SVEP1: variants seen among roughly 807,000 people sequenced by gnomAD.
SVEP1 encodes the protein sushi, von Willebrand factor type A, EGF and pentraxin domain-containing protein 1.
In SVEP1, 164 loss-of-function variants were observed where a neutral mutation model predicts 367.3. That is an observed-to-expected ratio of 0.45 (90% CI 0.39 to 0.51). SVEP1 has a LOEUF of 0.51. Among genes scored for constraint, SVEP1 ranks in the 20% least tolerant of loss-of-function variants. The pLI, the probability that SVEP1 is intolerant of heterozygous loss-of-function variation, is 0.00. For synonymous variants in SVEP1, 1,666 were observed against 1,611.6 expected (o/e 1.03, Z -0.81); for missense variants, 4,117 against 4,425.3 (o/e 0.93, Z 1.98).
At chr9:110,501,136 AAATT>A (rs1255046715) in intron 6 of SVEP1, among the ~76,000 whole-genome samples, 1 of 148,066 alleles carries the variant, frequency 6.8e-6, no homozygotes, top group African/African-American at 2.4e-5. Flanking sequence ...ATACATATAT[AAATT>A]ATGTAGTAAT....
intron 38 of SVEP1, among the ~76,000 whole-genome samples, chr9:110,404,898 T>A (rs1388362085): frequency 6.6e-6 from 1 of 152,088 alleles, no homozygotes; most frequent in Non-Finnish European, 1.5e-5. Context: ...CGGTGGCACA[T>A]GCCTGTAGTC....
intron 43 of SVEP1, among the ~76,000 whole-genome samples, chr9:110,381,285 A>G (rs1313066093): frequency 6.6e-6 from 1 of 151,892 alleles, no homozygotes; most frequent in African/African-American, 2.4e-5. Context: ...TAGTTCTTTT[A>G]GTTGTGATGT....
intron 35 of SVEP1, 36 bp from the exon 36 acceptor site, chr9:110,427,794 A>G (rs1371358971): frequency 4.4e-6 from 7 of 1,588,482 alleles, no homozygotes; most frequent in South Asian, 1.2e-5. Flanking sequence ...TTCATTGGCT[A>G]TGGATTTGCT....
intron 43 of SVEP1, 78 bp from the exon 44 acceptor site, chr9:110,379,595 T>G (rs1460077265): frequency 1.4e-6 from 2 of 1,432,646 alleles, no homozygotes; most frequent in Non-Finnish European, 1.9e-6. Flanking sequence ...TCAGAATGAA[T>G]TAAAGAGCAA....
At chr9:110,409,069 G>A (rs1485523098) in intron 37 of SVEP1, 118 bp from the exon 38 acceptor site, 8 of 1,108,306 alleles carry the variant, frequency 7.2e-6, no homozygotes, top group Non-Finnish European at 1.0e-5. Context: ...CAATTAGGAA[G>A]TAAGCAAATA....
At chr9:110,425,441 A>C (rs2986669) in intron 36 of SVEP1, among the ~76,000 whole-genome samples, 1 of 152,012 alleles carries the variant, frequency 6.6e-6, no homozygotes, top group African/African-American at 2.4e-5. Context: ...CAATGACAGA[A>C]AAAGTTTCCA....
chr9:110,411,500 C>G lies in SVEP1; in HGVS notation c.6211G>C (p.Glu2071Gln), dbSNP rs761171123. The change falls in exon 37 of 48, where the codon GAA becomes CAA. Residue 2071 changes from glutamate (E) to glutamine (Q), a missense_variant. Coordinates refer to ENST00000374469, the MANE Select transcript of SVEP1 (RefSeq NM_153366.4). The part of the protein sequence containing the change: ...CNAQGKWVPP[E>Q]GQDMPRCIAH... ...ATACAACGGGGCATGTCTTGACCTT[C>G]TGGGGGTACCCACTTGCCCTGGGCA... 1 of 1,613,900 alleles carries G rather than the reference C, an allele frequency of 6.2e-7. No individual in the cohort carries two copies. Among genetic ancestry groups the G allele is most frequent in the East Asian group, 2.2e-5 (1 of 44,898 alleles).
At chr9:110,389,126 ATTGAT>A (rs953568036) in intron 41 of SVEP1, among the ~76,000 whole-genome samples, 2 of 152,202 alleles carry the variant, frequency 1.3e-5, no homozygotes, top group Admixed American at 6.5e-5. Flanking sequence ...ATTAATATTA[ATTGAT>A]TTGACAGATG....
chr9:110,504,381 G>C lies in SVEP1; in HGVS notation c.1304-1164C>G, dbSNP rs1030926523. ...GCCCTTGGAAAGCTTTTTAAAGGGGGCTGTCTCAATTGAGAGAGTACTTCT... is the reference window on the plus strand; with the variant it reads ...GCCCTTGGAAAGCTTTTTAAAGGGGCCTGTCTCAATTGAGAGAGTACTTCT... On this transcript the variant is annotated intron_variant, in intron 5 of 47. Transcript: ENST00000374469. 7.9e-5 allele frequency among the ~76,000 whole-genome samples: 12 copies of C among 152,226 alleles called. 1 individual carries two copies. The highest frequency in any genetic ancestry group is 3.9e-4 in the Admixed American group (6 of 15,276).
At chr9:110,394,770 A>G (rs1827729958) in intron 40 of SVEP1, among the ~76,000 whole-genome samples, 2 of 152,216 alleles carry the variant, frequency 1.3e-5, no homozygotes, top group African/African-American at 2.4e-5. Context: ...AGATCAAATG[A>G]ATGAAATGAA....
At chr9:110,493,252 T>C (rs1297121883) in intron 8 of SVEP1, among the ~76,000 whole-genome samples, 2 of 151,984 alleles carry the variant, frequency 1.3e-5, no homozygotes, top group Admixed American at 1.3e-4. Flanking sequence ...CTGCAGAATG[T>C]GCACATGGAC....
At chr9:110,432,773 A>C (rs1308659445) in intron 30 of SVEP1, 138 bp from the exon 31 acceptor site, 1 of 969,404 alleles carries the variant, frequency 1.0e-6, no homozygotes, top group African/African-American at 1.6e-5. Flanking sequence ...TGTCCTAGGG[A>C]TAGCAGCAGC....
At chr9:110,385,327 C>T (rs1564125357) in intron 43 of SVEP1, among the ~76,000 whole-genome samples, 1 of 152,186 alleles carries the variant, frequency 6.6e-6, no homozygotes, top group Non-Finnish European at 1.5e-5. Flanking sequence ...CGTTAAAAAA[C>T]GTTGCGTTAT....
chr9:110,367,663 T>C (rs540517133), intron 47 of SVEP1, among the ~76,000 whole-genome samples: 5 of 104,336 alleles, frequency 4.8e-5, no homozygotes, highest in African/African-American at 7.1e-5. Flanking sequence ...TAATCCAACC[T>C]AGGACATTGA....
chr9:110,573,301 C>T (rs1830587575), intron 1 of SVEP1, among the ~76,000 whole-genome samples: 1 of 152,142 alleles, frequency 6.6e-6, no homozygotes, highest in African/African-American at 2.4e-5. Context: ...AGTGGCATCT[C>T]ACAGATCTTC....
chr9:110,569,743 G>A, intron 1 of SVEP1, among the ~76,000 whole-genome samples: 1 of 152,074 alleles, frequency 6.6e-6, no homozygotes, highest in Admixed American at 6.6e-5. Context: ...AAACAAGGTA[G>A]CTATCACTAT....
chr9:110,529,328 T>C lies in SVEP1; in HGVS notation c.965-15222A>G, dbSNP rs148009640. 6.4e-4 allele frequency among the ~76,000 whole-genome samples: 98 copies of C among 152,174 alleles called. 1 individual carries two copies. The highest frequency in any genetic ancestry group is 8.7e-4 in the Non-Finnish European group (59 of 67,924). On this transcript the variant is annotated intron_variant, in intron 3 of 47. Coordinates refer to ENST00000374469, the MANE Select transcript of SVEP1 (RefSeq NM_153366.4). The stretch of plus-strand genomic sequence containing the variant: ...ATGTGATGCCTCTATATTTGTTCTT[T>C]TTGCTTTGGCTCTTTGGGATCTTAT...
intron 1 of SVEP1, among the ~76,000 whole-genome samples, chr9:110,567,149 G>T (rs1830502512): frequency 6.6e-6 from 1 of 152,112 alleles, no homozygotes; most frequent in African/African-American, 2.4e-5. Context: ...ATCCTTTCAA[G>T]AATTCTAAAG....
chr9:110,462,156 T>A (rs1828867418), intron 18 of SVEP1, among the ~76,000 whole-genome samples: 1 of 152,250 alleles, frequency 6.6e-6, no homozygotes, highest in East Asian at 1.9e-4. Flanking sequence ...TTTTTTTACA[T>A]ATAATTTTCA....
Sources: allele counts gnomAD v4.1 joint callset (sites outside exome capture counted in the v4.1 genomes callset), GRCh38; gene constraint gnomAD v4.1.1; transcripts MANE v1.5; gene names NCBI Gene and HGNC (gene_info 2026-07-23, HGNC 2026-07-21).